The following OXCT1 variants were observed in gnomAD, a reference collection of about 807,000 sequenced individuals.
The protein encoded by OXCT1 is succinyl-CoA:3-ketoacid coenzyme A transferase 1, mitochondrial.
In OXCT1, 27 loss-of-function variants were observed where a neutral mutation model predicts 69.6. The ratio of observed to expected loss-of-function variants is 0.39; its 90% confidence interval spans 0.29 to 0.54. The LOEUF (loss-of-function observed/expected upper bound fraction) is 0.54. Among genes scored for constraint, OXCT1 ranks in the 20% least tolerant of loss-of-function variants. The pLI is 0.72. For synonymous variants in OXCT1, 202 were observed against 217.8 expected, an observed-to-expected ratio of 0.93 and a Z score of 0.64; for missense variants, 437 against 650.2, an observed-to-expected ratio of 0.67 and a Z score of 3.57.
chr5:41,757,880 G>A (rs1049638662), intron 14 of OXCT1, among the ~76,000 whole-genome samples: 3 of 152,218 alleles, frequency 2.0e-5, no homozygotes, highest in South Asian at 2.1e-4. Flanking sequence ...GGAGCGAATC[G>A]CAAAGGCAGA....
chr5:41,735,279 C>T (rs1742832034), intron 16 of OXCT1, among the ~76,000 whole-genome samples: 1 of 152,076 alleles, frequency 6.6e-6, no homozygotes, highest in Non-Finnish European at 1.5e-5. Context: ...AGAAGATAAT[C>T]CTGTCATACA....
chr5:41,835,892 C>T (rs1748332526), intron 7 of OXCT1, among the ~76,000 whole-genome samples: 1 of 152,084 alleles, frequency 6.6e-6, no homozygotes, highest in Non-Finnish European at 1.5e-5. Flanking sequence ...TCAACAGTCT[C>T]CTGAGTGAAG....
At chr5:41,764,406 C>A (rs551586906) in intron 13 of OXCT1, among the ~76,000 whole-genome samples, 1 of 152,250 alleles carries the variant, frequency 6.6e-6, no homozygotes, top group East Asian at 1.9e-4. Flanking sequence ...TCAATCAATT[C>A]AACTTACTGA....
intron 14 of OXCT1, among the ~76,000 whole-genome samples, chr5:41,755,951 A>G (rs928620629): frequency 6.6e-6 from 1 of 152,120 alleles, no homozygotes; most frequent in Admixed American, 6.6e-5. Context: ...ATGAGTATAA[A>G]GATCGCTACA....
chr5:41,868,131 A>T (rs1338248834), intron 1 of OXCT1, among the ~76,000 whole-genome samples: 1 of 152,266 alleles, frequency 6.6e-6, no homozygotes, highest in Non-Finnish European at 1.5e-5. Context: ...TCTGCGAGAC[A>T]CTGGGCCTGC....
chr5:41,783,997 G>A (rs2112191023), intron 13 of OXCT1, among the ~76,000 whole-genome samples: 1 of 152,212 alleles, frequency 6.6e-6, no homozygotes, highest in East Asian at 1.9e-4. Flanking sequence ...TTCTGTCAAA[G>A]GTTAACATGT....
intron 12 of OXCT1, chr5:41,794,471 T>C: frequency 1.6e-6 from 1 of 614,962 alleles, no homozygotes. Context: ...TGGATTCCAT[T>C]TTGGGGGTTC....
At chr5:41,793,717 GA>G (rs1339889358) in intron 13 of OXCT1, among the ~76,000 whole-genome samples, 11 of 152,080 alleles carry the variant, frequency 7.2e-5, no homozygotes, top group African/African-American at 2.2e-4. Context: ...CTTATTTTCA[GA>G]GTATAATTAG....
chr5:41,842,870 C>G, intron 5 of OXCT1, 89 bp from the exon 6 acceptor site: 1 of 910,424 alleles, frequency 1.1e-6, no homozygotes, highest in Non-Finnish European at 1.8e-6. Flanking sequence ...AATAAGGATA[C>G]AAGCCTACTG....
intron 3 of OXCT1, among the ~76,000 whole-genome samples, chr5:41,859,866 T>TATATATATATATATATATAC (rs1749638249): frequency 1.1e-5 from 1 of 95,070 alleles, no homozygotes; most frequent in African/African-American, 3.9e-5. Context: ...AGTATAGTAA[T>TATATATATATATATATATAC]ATATATATAT....
At chr5:41,745,395 C>G (rs545683962) in intron 15 of OXCT1, among the ~76,000 whole-genome samples, 1 of 151,970 alleles carries the variant, frequency 6.6e-6, no homozygotes, top group Non-Finnish European at 1.5e-5. Flanking sequence ...GGGACACATT[C>G]AAAGCAGTGT....
intron 16 of OXCT1, 141 bp from the exon 17 acceptor site, chr5:41,731,911 A>T (rs16871938): frequency 0.014 from 14,668 of 1,061,404 alleles, 666 homozygotes; most frequent in Admixed American, 0.1. Context: ...ATGATTTTCC[A>T]TCCTGAAACA....
chr5:41,869,978 GC>G, intron 1 of OXCT1: 2 of 439,940 alleles, frequency 4.5e-6, no homozygotes, highest in Non-Finnish European at 8.5e-6. Context: ...AAGCCGACGA[GC>G]GCCAAAGGGC....
intron 7 of OXCT1, among the ~76,000 whole-genome samples, chr5:41,819,281 C>A (rs1336138674): frequency 1.3e-5 from 2 of 151,082 alleles, no homozygotes; most frequent in Non-Finnish European, 2.9e-5. Context: ...TGACAGTGTA[C>A]CTTATTTAAT....
intron 10 of OXCT1, among the ~76,000 whole-genome samples, chr5:41,801,510 G>A (rs1746424530): frequency 1.3e-5 from 2 of 152,074 alleles, no homozygotes; most frequent in South Asian, 4.1e-4. Flanking sequence ...GGCCAACATA[G>A]TGACACCCCA....
chr5:41,791,964 G>A (rs559288919), intron 13 of OXCT1, among the ~76,000 whole-genome samples: 138 of 152,098 alleles, frequency 9.1e-4, no homozygotes, highest in African/African-American at 3.0e-3. Flanking sequence ...CACCACGCCC[G>A]GCTAATTTTT....
chr5:41,798,687 A>G (rs1746290326), intron 11 of OXCT1, among the ~76,000 whole-genome samples: 1 of 152,230 alleles, frequency 6.6e-6, no homozygotes, highest in African/African-American at 2.4e-5. Context: ...AGAAAACATT[A>G]AGAAATGAAG....
At chr5:41,760,514 A>C (rs1450223368) in intron 14 of OXCT1, among the ~76,000 whole-genome samples, 2 of 152,116 alleles carry the variant, frequency 1.3e-5, no homozygotes, top group Non-Finnish European at 2.9e-5. Flanking sequence ...GAAAGAAAGG[A>C]CTTGGGTGGA....
At chr5:41,760,921 C>T (rs572353927) in intron 14 of OXCT1, among the ~76,000 whole-genome samples, 13 of 152,166 alleles carry the variant, frequency 8.5e-5, no homozygotes, top group African/African-American at 3.1e-4. Context: ...CAAACTTTCC[C>T]AGGGGAAGCA....
Sources: gnomAD v4.1 joint callset for allele counts (sites outside exome capture counted in the v4.1 genomes callset) on GRCh38, gnomAD v4.1.1 for gene constraint, MANE v1.5 for transcripts, NCBI Gene and HGNC (gene_info 2026-07-23, HGNC 2026-07-21) for gene names.